ERBB4: variants seen among roughly 807,000 people sequenced by gnomAD.
ERBB4 encodes the protein receptor tyrosine-protein kinase erbB-4.
A neutral mutation model predicts 158.0 loss-of-function variants in ERBB4; 42 were observed. The ratio of observed to expected loss-of-function variants is 0.27; its 90% CI spans 0.21 to 0.34. The LOEUF is 0.34. Ranked by LOEUF, ERBB4 falls within the 10% of genes least tolerant of loss-of-function variation. The pLI is 1.00. For synonymous variants in ERBB4, 583 were observed against 558.7 expected (o/e 1.04, Z -0.61); for missense variants, 1,333 against 1,624.1 (o/e 0.82, Z 3.08).
At chr2:212,488,980 C>T (rs1231464685) in intron 1 of ERBB4, among the ~76,000 whole-genome samples, 1 of 148,770 alleles carries the variant, frequency 6.7e-6, no homozygotes, top group African/African-American at 2.5e-5. Context: ...AACCTGCCAC[C>T]TACCTTTTTT....
chr2:211,475,958 T>G (rs886767412), intron 20 of ERBB4, among the ~76,000 whole-genome samples: 1 of 152,042 alleles, frequency 6.6e-6, no homozygotes, highest in Non-Finnish European at 1.5e-5. Context: ...ACACGATCAA[T>G]TCCATCAAGA....
At chr2:212,431,331 C>A (rs1056355128) in intron 1 of ERBB4, among the ~76,000 whole-genome samples, 1 of 87,392 alleles carries the variant, frequency 1.1e-5, no homozygotes, top group Non-Finnish European at 2.8e-5. Flanking sequence ...AAAAAAAAAA[C>A]CTTCGTAACT....
chr2:212,185,034 C>CTTTT (rs762121501), intron 1 of ERBB4, among the ~76,000 whole-genome samples: 23,380 of 132,126 alleles, frequency 0.18, 1,728 homozygotes, highest in Non-Finnish European at 0.22. Flanking sequence ...TTTTTTTTTT[C>CTTTT]TTTTGAGACA....
intron 2 of ERBB4, among the ~76,000 whole-genome samples, chr2:212,096,559 C>T (rs1374561166): frequency 6.6e-6 from 1 of 152,140 alleles, no homozygotes; most frequent in East Asian, 1.9e-4. Context: ...CACATTTCCT[C>T]AAGTTTATTT....
At chr2:211,525,929 T>C (rs1313663493) in intron 20 of ERBB4, among the ~76,000 whole-genome samples, 4 of 152,084 alleles carry the variant, frequency 2.6e-5, no homozygotes, top group Admixed American at 6.5e-5. Flanking sequence ...AACCATAGAA[T>C]AGACCACCAG....
chr2:211,855,305 T>C (rs1559578789), intron 3 of ERBB4, among the ~76,000 whole-genome samples: 1 of 152,188 alleles, frequency 6.6e-6, no homozygotes, highest in Non-Finnish European at 1.5e-5. Flanking sequence ...CTTGTCACTC[T>C]TAAAATTATG....
At chr2:211,925,375 GC>G (rs2079988935) in intron 3 of ERBB4, among the ~76,000 whole-genome samples, 2 of 117,152 alleles carry the variant, frequency 1.7e-5, no homozygotes, top group South Asian at 5.1e-4. Context: ...AAACAAGACT[GC>G]TTTTTTTTTT....
At chr2:211,473,752 T>C (rs2064887041) in intron 20 of ERBB4, among the ~76,000 whole-genome samples, 1 of 152,016 alleles carries the variant, frequency 6.6e-6, no homozygotes, top group African/African-American at 2.4e-5. Flanking sequence ...TATCTCCCTA[T>C]TTACATTTCA....
At chr2:212,422,786 G>A (rs1030876080) in intron 1 of ERBB4, among the ~76,000 whole-genome samples, 3 of 152,132 alleles carry the variant, frequency 2.0e-5, no homozygotes, top group African/African-American at 7.2e-5. Context: ...TAAGAGATGA[G>A]TTACCAAGTT....
chr2:212,462,628 A>C (rs898642717), intron 1 of ERBB4, among the ~76,000 whole-genome samples: 1 of 152,194 alleles, frequency 6.6e-6, no homozygotes, highest in Non-Finnish European at 1.5e-5. Context: ...ATGCCAAAAA[A>C]GGAGAATTCT....
intron 25 of ERBB4, among the ~76,000 whole-genome samples, chr2:211,395,770 C>G (rs557704825): frequency 1.8e-4 from 27 of 152,054 alleles, no homozygotes; most frequent in African/African-American, 5.8e-4. Flanking sequence ...TTGCCCTTCA[C>G]AGAGAAGAGA....
intron 1 of ERBB4, among the ~76,000 whole-genome samples, chr2:212,401,702 A>G (rs1479838241): frequency 6.6e-6 from 1 of 152,152 alleles, no homozygotes; most frequent in Non-Finnish European, 1.5e-5. Context: ...TTATTTTTGT[A>G]CATGGATTGC....
chr2:211,596,759 C>G (rs16846550), intron 19 of ERBB4, among the ~76,000 whole-genome samples: 1,781 of 151,812 alleles, frequency 0.012, 30 homozygotes, highest in African/African-American at 0.03. Context: ...AGCTTTTTAC[C>G]CACTTACTCT....
In ERBB4 at chr2:211,379,795, A is replaced by G. The variant is rs17744862; in HGVS notation, c.*3820T>C. The G allele has an allele frequency of 0.049, 11,384 of 232,016 alleles. 407 individuals are homozygous for G. Among genetic ancestry groups the G allele is most frequent in the South Asian group, 0.079 (438 of 5,512 alleles). 14.4% of individuals were successfully genotyped at this position (232,016 alleles called of 1,614,324 possible). ...ATGGATGAATAATTCCAGTTTTGAA[A>G]TAAAGGTTAGAGAGCTCTAGAAAAA... On this transcript the variant is annotated 3_prime_UTR_variant, in exon 28 of 28. Transcript: ENST00000342788.
intron 19 of ERBB4, among the ~76,000 whole-genome samples, chr2:211,587,446 C>T (rs2068319342): frequency 6.6e-6 from 1 of 152,010 alleles, no homozygotes; most frequent in Non-Finnish European, 1.5e-5. Context: ...TGTGAAGACA[C>T]AGAAGCATAG....
At chr2:212,470,183 C>T (rs1300232875) in intron 1 of ERBB4, among the ~76,000 whole-genome samples, 2 of 151,922 alleles carry the variant, frequency 1.3e-5, no homozygotes, top group Non-Finnish European at 2.9e-5. Flanking sequence ...TCACCCATAC[C>T]CAACCAAGAT....
At chr2:212,099,547 T>C (rs1437516862) in intron 2 of ERBB4, among the ~76,000 whole-genome samples, 2 of 152,280 alleles carry the variant, frequency 1.3e-5, no homozygotes, top group South Asian at 2.1e-4. Context: ...GCACAATTAA[T>C]AGCTATCTCC....
At chr2:211,867,889 C>T (rs772433451) in intron 3 of ERBB4, among the ~76,000 whole-genome samples, 2 of 152,192 alleles carry the variant, frequency 1.3e-5, no homozygotes, top group Non-Finnish European at 2.9e-5. Flanking sequence ...TAATTAATCT[C>T]TATGACTGAG....
Position 211,630,411 on chromosome 2 carries a change from A to G in ERBB4, c.2079+51T>C, listed in dbSNP as rs371022950. 1.2e-5 allele frequency: 19 copies of G among 1,605,994 alleles called. No homozygotes were observed. The African/African-American group carries it at 1.7e-4, about 15-fold the overall frequency. ...TAATTGAACATCATCTAAACCTTCT[A>G]AACCTGATGAAAATCCCCAAACACA... On this transcript the variant is annotated intron_variant, in intron 17 of 27. Coordinates refer to ENST00000342788, the MANE Select transcript of ERBB4 (RefSeq NM_005235.3).
Sources: allele counts gnomAD v4.1 joint callset (sites outside exome capture counted in the v4.1 genomes callset), GRCh38; gene constraint gnomAD v4.1.1; transcripts MANE v1.5; gene names NCBI Gene and HGNC (gene_info 2026-07-23, HGNC 2026-07-21).